Variants in RAP1GAP2 observed in about 807,000 individuals in gnomAD.
RAP1GAP2 encodes RAP1 GTPase activating protein 2.
A neutral mutation model predicts 95.0 loss-of-function variants in RAP1GAP2; 27 were observed. That is an observed-to-expected ratio of 0.28 (90% CI 0.21 to 0.39). RAP1GAP2 has a LOEUF of 0.39. Among genes scored for constraint, RAP1GAP2 ranks in the 10% least tolerant of loss-of-function variants. RAP1GAP2 has a pLI of 1.00. For synonymous variants in RAP1GAP2, 373 were observed against 380.9 expected, an observed-to-expected ratio of 0.98 and a Z score of 0.24; for missense variants, 771 against 970.0, an observed-to-expected ratio of 0.79 and a Z score of 2.72.
At chr17:2,844,534 C>G (rs1042517410) in intron 2 of RAP1GAP2, among the ~76,000 whole-genome samples, 1 of 152,234 alleles carries the variant, frequency 6.6e-6, no homozygotes, top group Non-Finnish European at 1.5e-5. Flanking sequence ...TTGCACATTG[C>G]AGACCTGCAG....
intron 3 of RAP1GAP2, among the ~76,000 whole-genome samples, chr17:2,949,981 C>T (rs1036796108): frequency 6.6e-6 from 1 of 152,098 alleles, no homozygotes; most frequent in African/African-American, 2.4e-5. Flanking sequence ...GAATCATAGC[C>T]CTTCTCACCA....
intron 2 of RAP1GAP2, among the ~76,000 whole-genome samples, chr17:2,890,841 C>T (rs1486034781): frequency 4.6e-5 from 7 of 151,880 alleles, no homozygotes; most frequent in African/African-American, 1.2e-4. Flanking sequence ...CCCGCCACCA[C>T]GCCCGGCTAA....
chr17:3,010,182 A>G (rs190187138), intron 17 of RAP1GAP2, among the ~76,000 whole-genome samples: 131 of 152,108 alleles, frequency 8.6e-4, no homozygotes, highest in African/African-American at 3.0e-3. Flanking sequence ...TCCACTAAAA[A>G]TACAAAAATT....
intron 11 of RAP1GAP2, among the ~76,000 whole-genome samples, chr17:2,986,622 T>G (rs1027844401): frequency 2.0e-5 from 3 of 152,080 alleles, no homozygotes; most frequent in Non-Finnish European, 1.5e-5. Context: ...TGAACATTTG[T>G]TGCATCAAAG....
At chr17:2,765,472 GC>G (rs2068256211) in intron 1 of RAP1GAP2, among the ~76,000 whole-genome samples, 2 of 152,116 alleles carry the variant, frequency 1.3e-5, no homozygotes, top group Middle Eastern at 3.2e-3. Flanking sequence ...GGGCGCGGTG[GC>G]TCACGCCTGT....
intron 3 of RAP1GAP2, among the ~76,000 whole-genome samples, chr17:2,911,725 G>T (rs1203933149): frequency 1.3e-5 from 2 of 151,908 alleles, no homozygotes; most frequent in South Asian, 2.1e-4. Context: ...AGCCGGAAGG[G>T]GCCCTAATGG....
chr17:2,978,994 A>G (rs1729798121), intron 8 of RAP1GAP2, among the ~76,000 whole-genome samples: 1 of 142,366 alleles, frequency 7.0e-6, no homozygotes, highest in Non-Finnish European at 1.6e-5. Context: ...ATAGATAAAT[A>G]AATAAAAAAA....
At position 2,857,233 on chromosome 17, in the gene RAP1GAP2, T is replaced by C. The variant is rs2072180084; in HGVS notation, c.81-48051T>C. 6.6e-6 allele frequency among the ~76,000 whole-genome samples: 1 copy of C among 152,210 alleles called. No individual in the cohort carries two copies. The highest frequency in any genetic ancestry group is 1.9e-4 in the East Asian group (1 of 5,202). ...TTGTGCAGATAACACTGTTGGCTCT[T>C]AGCCTTAAGGGTTGAAATGGTTGTG... On this transcript the variant is annotated intron_variant, in intron 2 of 24. Transcript: ENST00000254695. This position sits in a 1 kb window ranked among gnomAD's most constrained non-coding sequence, Gnocchi z 4.0.
intron 19 of RAP1GAP2, 53 bp from the exon 20 acceptor site, chr17:3,025,955 G>A: frequency 8.9e-6 from 12 of 1,353,632 alleles, no homozygotes; most frequent in Admixed American, 1.8e-5. Flanking sequence ...CGTGGATGGG[G>A]TGGGGGTTGA....
At position 3,027,219 on chromosome 17, in the gene RAP1GAP2, C is replaced by T. The variant is rs746166054; in HGVS notation, c.2107+149C>T. On this transcript the variant is annotated intron_variant, in intron 22 of 24. Coordinates refer to ENST00000254695, the MANE Select transcript of RAP1GAP2 (RefSeq NM_015085.5). This position sits in a 1 kb window ranked among gnomAD's most constrained non-coding sequence, Gnocchi z 5.2. ...CCTCCGCTCTGTGCGCCCGCCTCTT[C>T]TGTTCATCAGCCTTAAGATGCCCAA... 9.4e-5 allele frequency: 98 copies of T among 1,043,804 alleles called. No individual in the cohort carries two copies. The highest frequency in any genetic ancestry group is 1.3e-4 in the Non-Finnish European group (95 of 752,562). The allele number at this position is 1,043,804 out of a possible 1,614,324, so 64.7% of individuals were successfully genotyped here. A position where few individuals can be genotyped will look rare whatever the true frequency, so the allele number is the denominator to read the frequency against.
intron 2 of RAP1GAP2, among the ~76,000 whole-genome samples, chr17:2,807,772 A>G (rs930212517): frequency 2.0e-5 from 3 of 152,018 alleles, no homozygotes; most frequent in Admixed American, 1.3e-4. Flanking sequence ...CTGGGAGGGT[A>G]GGTGAGCTAT....
At chr17:2,844,452 C>A (rs546674717) in intron 2 of RAP1GAP2, among the ~76,000 whole-genome samples, 7 of 152,218 alleles carry the variant, frequency 4.6e-5, no homozygotes, top group African/African-American at 1.7e-4. Flanking sequence ...GTGATGGAGG[C>A]TAGACAGCTG....
intron 3 of RAP1GAP2, among the ~76,000 whole-genome samples, chr17:2,945,509 C>T (rs2043668968): frequency 6.6e-6 from 1 of 151,870 alleles, no homozygotes; most frequent in South Asian, 2.1e-4. Flanking sequence ...TTAGTACACC[C>T]AATGGTAGTG....
chr17:2,816,258 A>G (rs933522334), intron 2 of RAP1GAP2, among the ~76,000 whole-genome samples: 2 of 151,198 alleles, frequency 1.3e-5, no homozygotes, highest in African/African-American at 4.9e-5. Context: ...TCTTAGGATA[A>G]TGACATGCAA....
At chr17:3,013,653 T>TTTG (rs2046650551) in intron 17 of RAP1GAP2, among the ~76,000 whole-genome samples, 1 of 134,900 alleles carries the variant, frequency 7.4e-6, no homozygotes, top group African/African-American at 2.8e-5. Flanking sequence ...TTTTTTTTTT[T>TTTG]GGTGGGAGCC....
At position 2,840,243 on chromosome 17, in the gene RAP1GAP2, G is replaced by A. The variant is rs558047981; in HGVS notation, c.80+39693G>A. On this transcript the variant is annotated intron_variant, in intron 2 of 24. Coordinates refer to ENST00000254695, the MANE Select transcript of RAP1GAP2 (RefSeq NM_015085.5). The stretch of plus-strand genomic sequence containing the variant: ...CGGTGGCGCGATCTCGGTTCACTGC[G>A]ACCCCCACCTCCTGGATTCAAGCGA... Among the ~76,000 whole-genome samples the A allele has an allele frequency of 2.0e-5, 3 of 148,324 alleles. No homozygotes were observed. In the South Asian group the frequency reaches 6.5e-4, roughly 32 times the overall value.
intron 19 of RAP1GAP2, 89 bp from the exon 20 acceptor site, chr17:3,025,919 G>A (rs146352419): frequency 4.1e-6 from 4 of 976,534 alleles, no homozygotes; most frequent in African/African-American, 3.2e-5. Context: ...GCCCCTCACC[G>A]TGCCGAGAGA....
intron 1 of RAP1GAP2, among the ~76,000 whole-genome samples, chr17:2,755,954 C>CCG: frequency 6.6e-6 from 1 of 152,136 alleles, no homozygotes; most frequent in Non-Finnish European, 1.5e-5. Flanking sequence ...CCCCGCGTCC[C>CCG]CGCGCCGGGT....
chr17:2,900,001 T>A (rs183692464), intron 2 of RAP1GAP2, among the ~76,000 whole-genome samples: 1 of 152,208 alleles, frequency 6.6e-6, no homozygotes, highest in Non-Finnish European at 1.5e-5. Context: ...CGAGAAGCTC[T>A]TTGCAGCCCA....
Sources: allele counts gnomAD v4.1 joint callset (sites outside exome capture counted in the v4.1 genomes callset), GRCh38; gene constraint gnomAD v4.1.1; non-coding constraint Gnocchi (gnomAD v3.1); transcripts MANE v1.5; gene names NCBI Gene and HGNC (gene_info 2026-07-23, HGNC 2026-07-21).